The following SYT2 variants were observed in gnomAD, a reference collection of about 807,000 sequenced individuals.
The protein encoded by SYT2 is synaptotagmin 2, also known as synaptotagmin-2.
SYT2 carries 15 observed loss-of-function variants against 39.9 expected under a neutral mutation model. The ratio of observed to expected loss-of-function variants is 0.38; its 90% CI spans 0.25 to 0.58. SYT2 has a LOEUF of 0.58. Among genes scored for constraint, SYT2 ranks in the 20% least tolerant of loss-of-function variants. The pLI is 0.70. For missense variants in SYT2, 389 were observed against 530.3 expected, an observed-to-expected ratio of 0.73 and a Z score of 2.62; for synonymous variants, 181 against 204.5, an observed-to-expected ratio of 0.89 and a Z score of 0.98.
chr1:202,661,399 G>A (rs1338853428), intron 1 of SYT2, among the ~76,000 whole-genome samples: 1 of 152,062 alleles, frequency 6.6e-6, no homozygotes, highest in East Asian at 1.9e-4. Context: ...TTCCTCCCCA[G>A]CTCACTCATC....
At chr1:202,681,852 C>T (rs1241725488) in intron 1 of SYT2, among the ~76,000 whole-genome samples, 4 of 152,174 alleles carry the variant, frequency 2.6e-5, no homozygotes, top group African/African-American at 9.7e-5. Context: ...ACTCAGGGTG[C>T]CTGGAGCAGA....
chr1:202,599,397 C>T lies in SYT2; in HGVS notation c.920-46G>A. The T allele has an allele frequency of 2.6e-6, 4 of 1,552,732 alleles. No homozygotes were observed. Among genetic ancestry groups the T allele is most frequent in the Non-Finnish European group, 3.5e-6 (4 of 1,157,544 alleles). On this transcript the variant is annotated intron_variant, in intron 7 of 8. Transcript: ENST00000367268. This position sits in a 1 kb window ranked among gnomAD's most constrained non-coding sequence, Gnocchi z 4.4. ...CCCCAGAGAGGTTCCCCTTAGCCCC[C>T]AGCCTTCCTGCCGAATGTACCAAGG...
intron 1 of SYT2, among the ~76,000 whole-genome samples, chr1:202,652,272 T>C (rs1692208448): frequency 6.6e-6 from 1 of 152,222 alleles, no homozygotes; most frequent in African/African-American, 2.4e-5. Flanking sequence ...AATAAACATA[T>C]GTCAAGGGTT....
At chr1:202,631,718 G>A (rs1326661862) in intron 1 of SYT2, among the ~76,000 whole-genome samples, 1 of 152,156 alleles carries the variant, frequency 6.6e-6, no homozygotes, top group Non-Finnish European at 1.5e-5. Context: ...GAGGGTTTTT[G>A]CACAGTCAGC....
chr1:202,635,275 T>C (rs1316350643), intron 1 of SYT2, among the ~76,000 whole-genome samples: 1 of 152,120 alleles, frequency 6.6e-6, no homozygotes, highest in Non-Finnish European at 1.5e-5. Flanking sequence ...TCTGCCCTTA[T>C]GTATCTTGGG....
In SYT2 at chr1:202,673,038, G is replaced by A. The variant is rs913063986; in HGVS notation, c.-18+37220C>T. Among the ~76,000 whole-genome samples, 10 of 152,152 alleles carry A rather than the reference G, an allele frequency of 6.6e-5. 1 individual carries two copies. The highest frequency in any genetic ancestry group is 3.9e-4 in the Admixed American group (6 of 15,292). On this transcript the variant is annotated intron_variant, in intron 1 of 8. Transcript: ENST00000367268. ...TCCAGCTGTCTCACAATATCCAAAC[G>A]TTTGCTAGTGTGTAAACTAAATGAA...
At chr1:202,656,258 T>G (rs903787673) in intron 1 of SYT2, among the ~76,000 whole-genome samples, 2 of 152,218 alleles carry the variant, frequency 1.3e-5, no homozygotes, top group African/African-American at 4.8e-5. Flanking sequence ...GAGGCTGAAC[T>G]CTGGGGTCCC....
intron 1 of SYT2, among the ~76,000 whole-genome samples, chr1:202,647,643 G>A (rs1199473946): frequency 2.6e-5 from 4 of 152,240 alleles, no homozygotes; most frequent in Non-Finnish European, 5.9e-5. Context: ...AGAAGCTGAT[G>A]TAGTTCTTCA....
intron 1 of SYT2, among the ~76,000 whole-genome samples, chr1:202,630,119 G>T (rs1691539144): frequency 6.6e-6 from 1 of 152,216 alleles, no homozygotes; most frequent in Non-Finnish European, 1.5e-5. Context: ...TACACTGGAG[G>T]GGCAGGCAGG....
intron 1 of SYT2, among the ~76,000 whole-genome samples, chr1:202,666,132 GAC>G: frequency 7.0e-6 from 1 of 142,024 alleles, no homozygotes; most frequent in East Asian, 2.1e-4. Flanking sequence ...CAGCCTGGGC[GAC>G]AGAGCGAGAC....
chr1:202,684,670 T>G (rs1027880213), intron 1 of SYT2, among the ~76,000 whole-genome samples: 5 of 152,158 alleles, frequency 3.3e-5, no homozygotes, highest in Admixed American at 1.3e-4. Flanking sequence ...TGTCTCTGGG[T>G]GTCTCTGCTC....
chr1:202,651,092 G>A (rs894452087), intron 1 of SYT2, among the ~76,000 whole-genome samples: 1 of 152,166 alleles, frequency 6.6e-6, no homozygotes, highest in African/African-American at 2.4e-5. Context: ...CACAGCGGAA[G>A]GCTTGAAGCA....
intron 1 of SYT2, among the ~76,000 whole-genome samples, chr1:202,675,036 G>A (rs906534087): frequency 5.9e-5 from 9 of 152,130 alleles, no homozygotes; most frequent in African/African-American, 2.2e-4. Flanking sequence ...CTCAGAGAGG[G>A]CCATGGCTTT....
chr1:202,641,713 C>T (rs1572650741), intron 1 of SYT2, among the ~76,000 whole-genome samples: 1 of 152,204 alleles, frequency 6.6e-6, no homozygotes, highest in East Asian at 1.9e-4. Context: ...TTCAGATCTT[C>T]CTTATCTGAG....
intron 1 of SYT2, among the ~76,000 whole-genome samples, chr1:202,698,796 G>A (rs929682286): frequency 1.3e-5 from 2 of 152,132 alleles, no homozygotes; most frequent in African/African-American, 4.8e-5. Context: ...GGTCACCAGG[G>A]TTAAGGACTG....
In SYT2 at chr1:202,640,843, T is replaced by A. The variant is rs143775474; in HGVS notation, c.-17-35054A>T. Among the ~76,000 whole-genome samples the A allele has an allele frequency of 1.4e-3, 213 of 151,294 alleles. 2 individuals are homozygous for A. Among genetic ancestry groups the A allele is most frequent in the Admixed American group, 8.0e-3 (121 of 15,208 alleles). ...CAGTGAGACAGAGCTGATGTTCCCATTTTGTAGGGAAGCTTTCAAGATGGT... is the reference window on the plus strand; with the variant it reads ...CAGTGAGACAGAGCTGATGTTCCCAATTTGTAGGGAAGCTTTCAAGATGGT... On this transcript the variant is annotated intron_variant, in intron 1 of 8. Coordinates refer to ENST00000367268, the MANE Select transcript of SYT2 (RefSeq NM_177402.5).
intron 1 of SYT2, among the ~76,000 whole-genome samples, chr1:202,624,652 G>A (rs1691307463): frequency 8.2e-6 from 1 of 122,506 alleles, no homozygotes; most frequent in Non-Finnish European, 1.7e-5. Context: ...CACAGTGTCT[G>A]GTGTGTAGTA....
At chr1:202,618,402 T>TGA (rs1244445121) in intron 1 of SYT2, among the ~76,000 whole-genome samples, 4 of 20,594 alleles carry the variant, frequency 1.9e-4, no homozygotes, top group African/African-American at 2.7e-4. Flanking sequence ...CTGGTGTGAG[T>TGA]GTGTGTGTGT....
At chr1:202,682,040 C>T (rs1044958341) in intron 1 of SYT2, among the ~76,000 whole-genome samples, 1 of 152,226 alleles carries the variant, frequency 6.6e-6, no homozygotes, top group African/African-American at 2.4e-5. Flanking sequence ...CCTCTGAAAT[C>T]CAGCCTCCCA....
Sources: gnomAD v4.1 joint callset for allele counts (sites outside exome capture counted in the v4.1 genomes callset) on GRCh38, gnomAD v4.1.1 for gene constraint, Gnocchi (gnomAD v3.1) non-coding constraint, MANE v1.5 for transcripts, NCBI Gene and HGNC (gene_info 2026-07-23, HGNC 2026-07-21) for gene names.